Variants in KLHL15 observed in about 807,000 individuals in gnomAD.
KLHL15 encodes the protein kelch-like protein 15.
A neutral mutation model predicts 29.3 loss-of-function variants in KLHL15; 1 was observed. That is an observed-to-expected ratio of 0.03 (90% confidence interval 0.01 to 0.16). The LOEUF (loss-of-function observed/expected upper bound fraction) is 0.16, where lower values mean the gene tolerates loss of function less well. Ranked by LOEUF, KLHL15 falls within the 10% of genes least tolerant of loss-of-function variation. The probability of loss-of-function intolerance (pLI) is 1.00; values close to 1 mark genes in which losing one functional copy is unlikely to be tolerated. For missense variants in KLHL15, 215 were observed against 478.5 expected (o/e 0.45, Z 5.14); for synonymous variants, 212 against 184.5 (o/e 1.15, Z -1.21).
chrX:23,997,120 G>A (rs892193517), intron 3 of KLHL15, among the ~76,000 whole-genome samples: 13 of 94,042 alleles, frequency 1.4e-4, no homozygotes, highest in African/African-American at 6.1e-4. Flanking sequence ...AAATAGGGGT[G>A]AGGGAGAGGT....
intron 2 of KLHL15, among the ~76,000 whole-genome samples, chrX:24,008,874 A>G (rs1929510506): frequency 9.8e-6 from 1 of 102,250 alleles, no homozygotes; most frequent in Non-Finnish European, 2.0e-5. Context: ...CGTGTTAGAA[A>G]AAAAAAAAAC....
At chrX:24,017,038 T>TA (rs1172599982) in intron 2 of KLHL15, among the ~76,000 whole-genome samples, 1 of 109,836 alleles carries the variant, frequency 9.1e-6, no homozygotes, top group Non-Finnish European at 1.9e-5. Context: ...CTGCGCAACA[T>TA]ATCAAAACCC....
chrX:24,000,496 T>C lies in KLHL15; in HGVS notation c.705+5493A>G, dbSNP rs1455764817. Reference sequence around the variant, plus strand: ...TAAATAAATAAATAATAAAAAAAGTTTGTTAGTGTCAAACACAGCACTGCT... The same window carrying C: ...TAAATAAATAAATAATAAAAAAAGTCTGTTAGTGTCAAACACAGCACTGCT... On this transcript the variant is annotated intron_variant, in intron 3 of 3. Coordinates refer to ENST00000328046, the MANE Select transcript of KLHL15 (RefSeq NM_030624.3). 5.4e-5 allele frequency among the ~76,000 whole-genome samples: 6 copies of C among 111,282 alleles called. No homozygotes were observed. In the South Asian group the frequency reaches 1.1e-3, roughly 21 times the overall value.
intron 2 of KLHL15, among the ~76,000 whole-genome samples, chrX:24,007,524 T>G (rs1462334386): frequency 1.0e-5 from 1 of 98,322 alleles, no homozygotes; most frequent in Non-Finnish European, 2.0e-5. Context: ...TATATATATA[T>G]ATATATATAT....
chrX:23,991,402 C>T (rs766053667), intron 3 of KLHL15, among the ~76,000 whole-genome samples: 1 of 108,146 alleles, frequency 9.2e-6, no homozygotes, highest in South Asian at 4.1e-4. Context: ...GCCTGTAACC[C>T]CAGCTACTTG....
intron 3 of KLHL15, among the ~76,000 whole-genome samples, chrX:24,000,654 GT>G (rs1324657660): frequency 8.9e-6 from 1 of 111,934 alleles, no homozygotes; most frequent in Non-Finnish European, 1.9e-5. Context: ...TAAATGAACT[GT>G]TTTTTTCCAA....
chrX:23,998,234 T>G (rs1264860758), intron 3 of KLHL15, among the ~76,000 whole-genome samples: 1 of 110,553 alleles, frequency 9.0e-6, no homozygotes, highest in Non-Finnish European at 1.9e-5. Context: ...GTGCTGCGAT[T>G]ACAGGCGTGT....
chrX:24,013,172 G>C (rs1929608361), intron 2 of KLHL15, among the ~76,000 whole-genome samples: 1 of 110,995 alleles, frequency 9.0e-6, no homozygotes. Flanking sequence ...TCATAGGCAT[G>C]ATCATAGTAC....
chrX:24,006,547 C>T lies in KLHL15; in HGVS notation c.147G>A (p.Leu49=). The change falls in exon 3 of 4, where the codon TTG becomes TTA. Residue 49 remains leucine, a synonymous_variant. Coordinates refer to ENST00000328046, the MANE Select transcript of KLHL15 (RefSeq NM_030624.3). ...DHQFQAHKAL[L]ATQSDYFRIM... ...TTCTGAAGTAATCACTCTGGGTGGC[C>T]AAGAGTGCTTTATGGGCCTGGAACT... 8.3e-7 allele frequency: 1 copy of T among 1,211,159 alleles called. No individual in the cohort carries two copies. The highest frequency in any genetic ancestry group is 1.8e-5 in the South Asian group (1 of 56,936).
intron 2 of KLHL15, among the ~76,000 whole-genome samples, chrX:24,010,006 A>AG: frequency 9.2e-6 from 1 of 108,526 alleles, no homozygotes; most frequent in Non-Finnish European, 1.9e-5. Flanking sequence ...AAAAAAAAAA[A>AG]AAGACTTCAA....
chrX:23,987,879 C>T lies in KLHL15; in HGVS notation c.*42G>A. The T allele has an allele frequency of 1.8e-6, 2 of 1,135,479 alleles. No homozygotes were observed. Among genetic ancestry groups the T allele is most frequent in the Non-Finnish European group, 2.4e-6 (2 of 848,372 alleles). The allele number at this position is 1,135,479 out of a possible 1,213,427, so 93.6% of individuals were successfully genotyped here. A position where few individuals can be genotyped will look rare whatever the true frequency, so the allele number is the denominator to read the frequency against. ...GTTTTAATTAATTACTCTGTGCAAACAAATACTTTGTTTGCCTCTTTTTTT... is the reference window on the plus strand; with the variant it reads ...GTTTTAATTAATTACTCTGTGCAAATAAATACTTTGTTTGCCTCTTTTTTT... On this transcript the variant is annotated 3_prime_UTR_variant, in exon 4 of 4. Coordinates refer to ENST00000328046, the MANE Select transcript of KLHL15 (RefSeq NM_030624.3).
At chrX:23,997,476 G>A (rs1045973657) in intron 3 of KLHL15, among the ~76,000 whole-genome samples, 3 of 109,561 alleles carry the variant, frequency 2.7e-5, no homozygotes, top group African/African-American at 6.6e-5. Flanking sequence ...GGTGGCTCAC[G>A]CCTGTAGACT....
rs1929450522 is a variant in KLHL15 at position 24,006,682 on chromosome X, G to A, written c.12C>T (p.Asp4=). 8.4e-7 allele frequency: 1 copy of A among 1,188,238 alleles called. No homozygotes were observed. The highest frequency in any genetic ancestry group is 1.9e-5 in the South Asian group (1 of 54,008). Residue 4 remains aspartate (D), a synonymous_variant, in exon 3 of 4, where the codon GAC becomes GAT. Transcript: ENST00000328046. The part of the protein sequence containing the change: MAG[D]VEGFCSSIHD... Reference sequence around the variant, plus strand: ...GGATGGAGGAACAGAATCCTTCCACGTCCCCTGCCATGAATCACCTGGAAA... The same window carrying A: ...GGATGGAGGAACAGAATCCTTCCACATCCCCTGCCATGAATCACCTGGAAA...
chrX:24,016,691 T>C lies in KLHL15; in HGVS notation c.-8+8166A>G, dbSNP rs781704172. Among the ~76,000 whole-genome samples, 4 of 111,100 alleles carry C rather than the reference T, an allele frequency of 3.6e-5. No individual in the cohort carries two copies. The South Asian group carries it at 1.5e-3, about 42-fold the overall frequency. On this transcript the variant is annotated intron_variant, in intron 2 of 3. Transcript: ENST00000328046. ...CAAAAAAAAAATTGGGGTACTAATATTAATAGAACCTACCTTACAGGTTGC... is the reference window on the plus strand; with the variant it reads ...CAAAAAAAAAATTGGGGTACTAATACTAATAGAACCTACCTTACAGGTTGC...
At chrX:24,005,949 T>C (rs983346067) in intron 3 of KLHL15, 40 bp downstream of exon 3, 21 of 1,041,707 alleles carry the variant, frequency 2.0e-5, no homozygotes, top group Non-Finnish European at 2.8e-5. Flanking sequence ...CTGCCTTAAC[T>C]AAATGATGAG....
At chrX:23,989,892 C>T (rs915935253) in intron 3 of KLHL15, among the ~76,000 whole-genome samples, 3 of 110,149 alleles carry the variant, frequency 2.7e-5, no homozygotes, top group African/African-American at 6.6e-5. Flanking sequence ...TGGCCTCAAG[C>T]GATCCTCCTG....
At chrX:23,989,581 G>A (rs1340761565) in intron 3 of KLHL15, among the ~76,000 whole-genome samples, 1 of 111,598 alleles carries the variant, frequency 9.0e-6, no homozygotes, top group Non-Finnish European at 1.9e-5. Context: ...CAAGTAGCGG[G>A]TATGAGGACA....
At chrX:23,991,039 C>T (rs1929072876) in intron 3 of KLHL15, among the ~76,000 whole-genome samples, 1 of 110,180 alleles carries the variant, frequency 9.1e-6, no homozygotes, top group Admixed American at 9.8e-5. Context: ...GAGAACCCCT[C>T]GTCCAACTAC....
intron 3 of KLHL15, among the ~76,000 whole-genome samples, chrX:23,991,568 G>A (rs1418612945): frequency 1.8e-5 from 2 of 110,816 alleles, no homozygotes; most frequent in Non-Finnish European, 3.8e-5. Context: ...CAGGCTGGGC[G>A]CGGTGGCTCA....
Sources: allele counts gnomAD v4.1 joint callset (sites outside exome capture counted in the v4.1 genomes callset), GRCh38; gene constraint gnomAD v4.1.1; transcripts MANE v1.5; gene names NCBI Gene and HGNC (gene_info 2026-07-23, HGNC 2026-07-21).